The following IL1RAPL1 variants were observed in gnomAD, a reference collection of about 807,000 sequenced individuals.
IL1RAPL1 encodes interleukin-1 receptor accessory protein-like 1.
A neutral mutation model predicts 48.4 loss-of-function variants in IL1RAPL1; 3 were observed. That is an observed-to-expected ratio of 0.06 (90% confidence interval 0.03 to 0.16). The LOEUF (loss-of-function observed/expected upper bound fraction) is 0.16, where lower values mean the gene tolerates loss of function less well. Among genes scored for constraint, IL1RAPL1 ranks in the 10% least tolerant of loss-of-function variants. The pLI is 1.00. For synonymous variants in IL1RAPL1, 185 were observed against 187.7 expected (o/e 0.99, Z 0.12); for missense variants, 349 against 530.6 (o/e 0.66, Z 3.36).
At chrX:28,764,242 T>C (rs1936209191) in intron 1 of IL1RAPL1, among the ~76,000 whole-genome samples, 1 of 111,392 alleles carries the variant, frequency 9.0e-6, no homozygotes, top group African/African-American at 3.3e-5. Flanking sequence ...CCACGAGAAT[T>C]CCAGTAAATC....
At chrX:29,229,263 G>T (rs1931148949) in intron 2 of IL1RAPL1, among the ~76,000 whole-genome samples, 1 of 110,734 alleles carries the variant, frequency 9.0e-6, no homozygotes, top group South Asian at 3.8e-4. Flanking sequence ...GTCAGTCTTT[G>T]TTCTCTTCTT....
chrX:29,109,407 T>G (rs1928516518), intron 2 of IL1RAPL1, among the ~76,000 whole-genome samples: 1 of 110,568 alleles, frequency 9.0e-6, no homozygotes. Flanking sequence ...TTTTTTCTTT[T>G]TTCAGTTTTT....
At chrX:28,673,011 T>G in intron 1 of IL1RAPL1, among the ~76,000 whole-genome samples, 1 of 111,647 alleles carries the variant, frequency 9.0e-6, no homozygotes, top group East Asian at 2.8e-4. Context: ...TGTTCATGTG[T>G]TCTCATCATT....
chrX:29,553,985 ATC>A (rs773798566), intron 5 of IL1RAPL1, among the ~76,000 whole-genome samples: 1 of 105,533 alleles, frequency 9.5e-6, no homozygotes, highest in East Asian at 3.0e-4. Context: ...ATTTGCCTGT[ATC>A]TCTGCATTTC....
At chrX:29,701,981 G>A (rs1433418375) in intron 6 of IL1RAPL1, among the ~76,000 whole-genome samples, 4 of 111,667 alleles carry the variant, frequency 3.6e-5, no homozygotes, top group Admixed American at 2.8e-4. Context: ...CTGGCCAGGC[G>A]CGGTGGCTCA....
At chrX:29,940,253 C>T (rs914167690) in intron 8 of IL1RAPL1, among the ~76,000 whole-genome samples, 4 of 110,813 alleles carry the variant, frequency 3.6e-5, no homozygotes, top group Non-Finnish European at 7.6e-5. Context: ...AAATGATGGC[C>T]GTGCTTTTCA....
intron 1 of IL1RAPL1, among the ~76,000 whole-genome samples, chrX:28,680,168 C>A (rs147852148): frequency 2.7e-5 from 3 of 110,992 alleles, no homozygotes; most frequent in African/African-American, 9.8e-5. Context: ...GTGGAAAAAT[C>A]TTTCATATTT....
At chrX:28,756,185 G>C (rs1436988522) in intron 1 of IL1RAPL1, among the ~76,000 whole-genome samples, 1 of 111,550 alleles carries the variant, frequency 9.0e-6, no homozygotes, top group African/African-American at 3.3e-5. Context: ...TGCTTCTCCA[G>C]GAGACTTTCA....
At chrX:29,895,109 C>G (rs1323243449) in intron 6 of IL1RAPL1, among the ~76,000 whole-genome samples, 1 of 109,341 alleles carries the variant, frequency 9.1e-6, no homozygotes, top group Non-Finnish European at 1.9e-5. Context: ...CAGGAGTGAG[C>G]CACCGCGCCC....
At chrX:29,942,619 ATTTT>A (rs748964603) in intron 9 of IL1RAPL1, among the ~76,000 whole-genome samples, 1 of 102,151 alleles carries the variant, frequency 9.8e-6, no homozygotes, top group Non-Finnish European at 2.0e-5. Flanking sequence ...TTTCTTCATC[ATTTT>A]TTTTTTTTTT....
At chrX:29,208,651 C>T (rs1930711096) in intron 2 of IL1RAPL1, among the ~76,000 whole-genome samples, 1 of 107,955 alleles carries the variant, frequency 9.3e-6, no homozygotes, top group South Asian at 4.1e-4. Flanking sequence ...GTGGAGATTG[C>T]AGTGATCCGA....
At chrX:28,850,919 A>T (rs916152913) in intron 2 of IL1RAPL1, among the ~76,000 whole-genome samples, 4 of 103,962 alleles carry the variant, frequency 3.8e-5, no homozygotes, top group African/African-American at 1.4e-4. Context: ...CTTCTTTTCA[A>T]TTTGAACTCC....
intron 2 of IL1RAPL1, among the ~76,000 whole-genome samples, chrX:28,855,521 A>G (rs1286357221): frequency 9.0e-6 from 1 of 111,561 alleles, no homozygotes; most frequent in African/African-American, 3.3e-5. Flanking sequence ...TTTATTTTTA[A>G]TTTTTGTGGG....
chrX:28,975,354 AC>A (rs1224180296), intron 2 of IL1RAPL1, among the ~76,000 whole-genome samples: 1 of 111,996 alleles, frequency 8.9e-6, no homozygotes, highest in African/African-American at 3.2e-5. Context: ...TGTAGATTGA[AC>A]ATTTTCTGGC....
At chrX:29,192,475 T>C (rs1930370266) in intron 2 of IL1RAPL1, among the ~76,000 whole-genome samples, 1 of 111,745 alleles carries the variant, frequency 8.9e-6, no homozygotes, top group Non-Finnish European at 1.9e-5. Flanking sequence ...CTGTTTAATA[T>C]AACCAACTAG....
intron 2 of IL1RAPL1, among the ~76,000 whole-genome samples, chrX:29,260,480 A>G (rs1312740660): frequency 1.8e-5 from 2 of 112,034 alleles, no homozygotes. Context: ...TTATAAAACC[A>G]TCAGATCTCC....
At chrX:29,191,465 T>C (rs1183126894) in intron 2 of IL1RAPL1, among the ~76,000 whole-genome samples, 1 of 111,482 alleles carries the variant, frequency 9.0e-6, no homozygotes, top group African/African-American at 3.3e-5. Flanking sequence ...TTTAAAGCAG[T>C]GGTTTCCTTC....
intron 3 of IL1RAPL1, among the ~76,000 whole-genome samples, chrX:29,284,116 G>C (rs1159691859): frequency 8.9e-6 from 1 of 111,958 alleles, no homozygotes; most frequent in Non-Finnish European, 1.9e-5. Context: ...CTAAAGTAAT[G>C]GATTCCCATA....
chrX:29,375,583 T>A (rs1933611767), intron 3 of IL1RAPL1, among the ~76,000 whole-genome samples: 1 of 111,747 alleles, frequency 8.9e-6, no homozygotes, highest in African/African-American at 3.3e-5. Context: ...TGCAGACACA[T>A]CTGCAAACCT....
Sources: gnomAD v4.1 joint callset for allele counts (sites outside exome capture counted in the v4.1 genomes callset) on GRCh38, gnomAD v4.1.1 for gene constraint, MANE v1.5 for transcripts, NCBI Gene and HGNC (gene_info 2026-07-23, HGNC 2026-07-21) for gene names.